Variants in PDE3A observed in about 807,000 individuals in gnomAD.
PDE3A encodes phosphodiesterase 3A, also known as cGMP-inhibited 3',5'-cyclic phosphodiesterase 3A.
Under a neutral mutation model 98.3 loss-of-function variants are expected in PDE3A, and 43 were observed. That is an observed-to-expected ratio of 0.44 (90% CI 0.34 to 0.56). PDE3A has a LOEUF of 0.56. PDE3A is among the 20% of genes least tolerant of loss of function. The pLI is 0.01. For missense variants in PDE3A, 1,427 were observed against 1,440.7 expected, an observed-to-expected ratio of 0.99 and a Z score of 0.15; for synonymous variants, 663 against 567.9, an observed-to-expected ratio of 1.17 and a Z score of -2.38.
At chr12:20,548,399 T>C (rs559463114) in intron 1 of PDE3A, among the ~76,000 whole-genome samples, 2 of 152,252 alleles carry the variant, frequency 1.3e-5, no homozygotes, top group South Asian at 2.1e-4. Context: ...GGAGTAATCA[T>C]AAACTAGCCA....
chr12:20,606,267 T>TTC (rs143657125), intron 2 of PDE3A, among the ~76,000 whole-genome samples: 3,086 of 152,304 alleles, frequency 0.02, 89 homozygotes, highest in African/African-American at 0.07. Context: ...TTCTTAGATT[T>TTC]TATCTTTTAG....
At chr12:20,538,588 C>T (rs374947863) in intron 1 of PDE3A, among the ~76,000 whole-genome samples, 1 of 152,008 alleles carries the variant, frequency 6.6e-6, no homozygotes, top group Non-Finnish European at 1.5e-5. Context: ...AAGAATACGA[C>T]GTATTATAGG....
At position 20,552,410 on chromosome 12, in the gene PDE3A, G is replaced by A. The variant is rs755126795; in HGVS notation, c.961-4250G>A. On this transcript the variant is annotated intron_variant, in intron 1 of 15. Coordinates refer to ENST00000359062, the MANE Select transcript of PDE3A (RefSeq NM_000921.5). This position sits in a 1 kb window ranked among gnomAD's most constrained non-coding sequence, Gnocchi z 5.1. Reference sequence around the variant, plus strand: ...GAGCCCGGCCCTTGGACGAAGGAGGGGAAGGACCGGATCAAGAAGCTGGGG... The same window carrying A: ...GAGCCCGGCCCTTGGACGAAGGAGGAGAAGGACCGGATCAAGAAGCTGGGG... 1.7e-5 allele frequency: 28 copies of A among 1,613,150 alleles called. No individual in the cohort carries two copies. Among genetic ancestry groups the A allele is most frequent in the Non-Finnish European group, 2.3e-5 (27 of 1,179,832 alleles).
intron 1 of PDE3A, among the ~76,000 whole-genome samples, chr12:20,386,100 A>T (rs1414995952): frequency 5.8e-4 from 10 of 17,156 alleles, no homozygotes; most frequent in African/African-American, 1.5e-3. Context: ...AATATATATA[A>T]ATATATATAT....
At chr12:20,454,982 A>G (rs887932780) in intron 1 of PDE3A, among the ~76,000 whole-genome samples, 2 of 152,224 alleles carry the variant, frequency 1.3e-5, no homozygotes, top group Admixed American at 1.3e-4. Flanking sequence ...CTTTGGGTAT[A>G]TACCCAGTAA....
intron 2 of PDE3A, among the ~76,000 whole-genome samples, chr12:20,565,460 A>AT (rs2121296029): frequency 6.6e-6 from 1 of 152,112 alleles, no homozygotes; most frequent in African/African-American, 2.4e-5. Context: ...GATAAAACTG[A>AT]TAAAAAAAGA....
At chr12:20,459,653 G>T (rs369191012) in intron 1 of PDE3A, among the ~76,000 whole-genome samples, 74 of 152,166 alleles carry the variant, frequency 4.9e-4, no homozygotes, top group African/African-American at 1.7e-3. Context: ...ACATTCAAAG[G>T]TTTCATAGCA....
chr12:20,484,371 C>T (rs1024651411), intron 1 of PDE3A, among the ~76,000 whole-genome samples: 3 of 152,086 alleles, frequency 2.0e-5, no homozygotes, highest in Non-Finnish European at 2.9e-5. Context: ...TTAAATAAAA[C>T]CCATTTGTAA....
At chr12:20,386,899 G>A (rs893325678) in intron 1 of PDE3A, among the ~76,000 whole-genome samples, 1 of 152,000 alleles carries the variant, frequency 6.6e-6, no homozygotes, top group African/African-American at 2.4e-5. Context: ...GGTTTTTATA[G>A]TTTTTGGCTT....
chr12:20,406,530 A>T (rs1181267609), intron 1 of PDE3A, among the ~76,000 whole-genome samples: 1 of 152,148 alleles, frequency 6.6e-6, no homozygotes, highest in Non-Finnish European at 1.5e-5. Context: ...GTCTTCTTTA[A>T]AAATAGTTCT....
intron 1 of PDE3A, among the ~76,000 whole-genome samples, chr12:20,513,915 A>C (rs1357671665): frequency 6.6e-6 from 1 of 152,164 alleles, no homozygotes; most frequent in African/African-American, 2.4e-5. Context: ...GGCTTGTTTC[A>C]ATTGGAAGAA....
chr12:20,421,932 T>A (rs975815369), intron 1 of PDE3A, among the ~76,000 whole-genome samples: 4 of 152,234 alleles, frequency 2.6e-5, no homozygotes, highest in African/African-American at 9.6e-5. Context: ...TGTTTTTCTT[T>A]CCCAGGTAAA....
At chr12:20,593,374 A>G (rs868643472) in intron 2 of PDE3A, among the ~76,000 whole-genome samples, 1 of 152,156 alleles carries the variant, frequency 6.6e-6, no homozygotes, top group East Asian at 1.9e-4. Context: ...AAGAAGTTGA[A>G]TGTTGTTCCC....
At chr12:20,493,717 G>C (rs1042853481) in intron 1 of PDE3A, among the ~76,000 whole-genome samples, 14 of 151,974 alleles carry the variant, frequency 9.2e-5, no homozygotes, top group Non-Finnish European at 1.5e-4. Flanking sequence ...CGCAGCCTCC[G>C]ACTCCCAGGT....
At chr12:20,494,872 CAA>C (rs5796864) in intron 1 of PDE3A, among the ~76,000 whole-genome samples, 10,156 of 143,556 alleles carry the variant, frequency 0.071, 459 homozygotes, top group African/African-American at 0.13. Flanking sequence ...AACAATTCCG[CAA>C]AAAAAAAAAA....
chr12:20,369,501 C>T lies in PDE3A; in HGVS notation c.217C>T (p.Leu73=), dbSNP rs1943416749. ...SALCAGSLSF[L]LALLVRLVRG... ...GCTGTGCGCGGGCTCCCTGTCCTTT[C>T]TGCTGGCGCTGCTGGTGAGGCTGGT... is the stretch of plus-strand genomic sequence containing the variant. The change falls in exon 1 of 16, where the codon CTG becomes TTG. Residue 73 remains leucine (L), a synonymous_variant. Coordinates refer to ENST00000359062, the MANE Select transcript of PDE3A (RefSeq NM_000921.5). The T allele has an allele frequency of 6.4e-7, 1 of 1,559,074 alleles. No individual in the cohort carries two copies. Among genetic ancestry groups the T allele is most frequent in the Non-Finnish European group, 8.7e-7 (1 of 1,151,514 alleles).
At chr12:20,379,704 T>G (rs1444756026) in intron 1 of PDE3A, among the ~76,000 whole-genome samples, 1 of 151,782 alleles carries the variant, frequency 6.6e-6, no homozygotes, top group Non-Finnish European at 1.5e-5. Context: ...ACTAAGTTGA[T>G]TTAAGGAAAT....
chr12:20,407,133 C>A (rs1047170314), intron 1 of PDE3A, among the ~76,000 whole-genome samples: 13 of 152,120 alleles, frequency 8.5e-5, no homozygotes, highest in Non-Finnish European at 1.5e-4. Flanking sequence ...TTGGGATCAG[C>A]ATAGATGTTG....
At chr12:20,673,953 T>C (rs1049376033) in intron 15 of PDE3A, among the ~76,000 whole-genome samples, 1 of 152,180 alleles carries the variant, frequency 6.6e-6, no homozygotes, top group Non-Finnish European at 1.5e-5. Context: ...TTCAGATCCA[T>C]GATCATGGGA....
Sources: allele counts gnomAD v4.1 joint callset (sites outside exome capture counted in the v4.1 genomes callset), GRCh38; gene constraint gnomAD v4.1.1; non-coding constraint Gnocchi (gnomAD v3.1); transcripts MANE v1.5; gene names NCBI Gene and HGNC (gene_info 2026-07-23, HGNC 2026-07-21).